The following GBF1 variants were observed in gnomAD, a reference collection of about 807,000 sequenced individuals.
GBF1 encodes the protein Golgi-specific brefeldin A-resistance guanine nucleotide exchange factor 1.
GBF1 carries 114 observed loss-of-function variants against 210.5 expected under a neutral mutation model. That is an observed-to-expected ratio of 0.54 (90% CI 0.47 to 0.63). GBF1 has a LOEUF of 0.63. Among genes scored for constraint, GBF1 ranks in the 30% least tolerant of loss-of-function variants. The pLI is 0.00. For synonymous variants in GBF1, 850 were observed against 889.2 expected (o/e 0.96, Z 0.78); for missense variants, 1,851 against 2,357.7 (o/e 0.79, Z 4.45).
intron 30 of GBF1, 150 bp downstream of exon 30, chr10:102,375,734 G>A: frequency 3.2e-6 from 2 of 617,674 alleles, no homozygotes; most frequent in Non-Finnish European, 5.8e-6. Context: ...GTGCCCGCTG[G>A]CTAGTACCCA....
At chr10:102,244,492 C>A (rs532167226), upstream of GBF1, among the ~76,000 whole-genome samples, 1 of 152,340 alleles carries the variant, frequency 6.6e-6, no homozygotes, top group East Asian at 1.9e-4. Flanking sequence ...TAACCTCTAT[C>A]ATCTCTTGCA....
At chr10:102,266,927 C>T (rs2073924661) in intron 3 of GBF1, among the ~76,000 whole-genome samples, 1 of 152,166 alleles carries the variant, frequency 6.6e-6, no homozygotes, top group South Asian at 2.1e-4. Flanking sequence ...AGGGTACTGT[C>T]TGTCTCAAGC....
chr10:102,373,239 A>C (rs993412062), intron 29 of GBF1, among the ~76,000 whole-genome samples: 1 of 152,242 alleles, frequency 6.6e-6, no homozygotes, highest in African/African-American at 2.4e-5. Flanking sequence ...TACAGATGGC[A>C]GATAGGCACA....
Position 102,376,597 on chromosome 10 carries a change from C to G in GBF1, c.4085C>G (p.Pro1362Arg). The stretch of plus-strand genomic sequence containing the variant: ...GACGTTGATAACTCCAAGCCAGGGC[C>G]CAGCCGCCCAGGCCCTTCACCCCTG... ...KDDVDNSKPG[P>R]SRPGPSPLIN... Residue 1362 changes from proline (P) to arginine (R), a missense_variant, in exon 32 of 40, where the codon CCC (proline) becomes CGC (arginine). Pro to Arg is a moderately radical substitution (Grantham distance 103, BLOSUM62 -2). Coordinates refer to ENST00000369983, the MANE Select transcript of GBF1 (RefSeq NM_001377137.1). The G allele has an allele frequency of 6.2e-7, 1 of 1,613,592 alleles. No homozygotes were observed. The highest frequency in any genetic ancestry group is 8.5e-7 in the Non-Finnish European group (1 of 1,179,536).
chr10:102,287,356 T>C (rs1336958219), intron 3 of GBF1, among the ~76,000 whole-genome samples: 4 of 135,522 alleles, frequency 3.0e-5, no homozygotes, highest in South Asian at 2.5e-4. Context: ...TTTTTTTTTT[T>C]TTTTTTTTTT....
chr10:102,237,156 T>C, the GBF1 span, among the ~76,000 whole-genome samples: 1 of 152,040 alleles, frequency 6.6e-6, no homozygotes, highest in Non-Finnish European at 1.5e-5. Context: ...CCCTATCTTG[T>C]AGGAGTCTGC....
intron 1 of GBF1, among the ~76,000 whole-genome samples, chr10:102,248,486 A>G (rs551936320): frequency 2.0e-5 from 3 of 152,284 alleles, no homozygotes; most frequent in East Asian, 1.9e-4. Context: ...TGGTTTGCCA[A>G]TCATATAAAC....
intron 1 of GBF1, among the ~76,000 whole-genome samples, chr10:102,250,608 T>G (rs1379286893): frequency 6.6e-6 from 1 of 151,400 alleles, no homozygotes; most frequent in Non-Finnish European, 1.5e-5. Flanking sequence ...TTTGGCCTCC[T>G]AAAGTGCTGG....
intron 3 of GBF1, among the ~76,000 whole-genome samples, chr10:102,291,656 G>A (rs556328593): frequency 2.6e-4 from 40 of 152,284 alleles, no homozygotes; most frequent in South Asian, 2.1e-4. Flanking sequence ...TGGGAGTGGA[G>A]ACTTGATATT....
At chr10:102,281,081 T>A (rs146264695) in intron 3 of GBF1, among the ~76,000 whole-genome samples, 2 of 152,290 alleles carry the variant, frequency 1.3e-5, no homozygotes, top group Non-Finnish European at 2.9e-5. Context: ...ATCAGATCTG[T>A]TTCAGCCAGT....
intron 3 of GBF1, among the ~76,000 whole-genome samples, chr10:102,321,109 T>G (rs747282294): frequency 2.0e-5 from 3 of 152,184 alleles, no homozygotes; most frequent in Admixed American, 6.5e-5. Context: ...ATTTAATTCT[T>G]AACCACTCTG....
chr10:102,377,062 G>C lies in GBF1; in HGVS notation c.4416G>C (p.Arg1472=), dbSNP rs1207674363. Residue 1472 remains arginine, a synonymous_variant, in exon 33 of 40, where the codon CGG becomes CGC. Transcript: ENST00000369983. The part of the protein sequence containing the change: ...RPRTSSQHAS[R]GGQSDDDEDE... ...GAACCTCCAGCCAACATGCCTCTCGGGGCGGGCAGAGTGATGATGATGAGG... is the reference window on the plus strand; with the variant it reads ...GAACCTCCAGCCAACATGCCTCTCGCGGCGGGCAGAGTGATGATGATGAGG... The C allele has an allele frequency of 6.2e-7, 1 of 1,614,054 alleles. No homozygotes were observed. Among genetic ancestry groups the C allele is most frequent in the Non-Finnish European group, 8.5e-7 (1 of 1,180,028 alleles).
In GBF1 at chr10:102,370,395, A is replaced by G; in HGVS notation, c.3423A>G (p.Ser1141=). The change falls in exon 28 of 40, where the codon TCA becomes TCG. Residue 1141 remains serine, a synonymous_variant. Transcript: ENST00000369983. ...CTGTTCCCCTTCAGGCTCTGGTCTC[A>G]GTGACACCAGATGAAGAGACATATG... ...SLQELMKALV[S]VTPDEETYDE... The G allele has an allele frequency of 6.2e-7, 1 of 1,610,414 alleles. No homozygotes were observed. Among genetic ancestry groups the G allele is most frequent in the Non-Finnish European group, 8.5e-7 (1 of 1,176,568 alleles).
At chr10:102,350,045 A>G (rs2058837367) in intron 4 of GBF1, among the ~76,000 whole-genome samples, 1 of 152,116 alleles carries the variant, frequency 6.6e-6, no homozygotes, top group South Asian at 2.1e-4. Context: ...TTAAATAAGA[A>G]TGAAACTAAA....
intron 1 of GBF1, among the ~76,000 whole-genome samples, chr10:102,258,569 C>T (rs538563678): frequency 1.3e-5 from 2 of 149,976 alleles, no homozygotes; most frequent in Admixed American, 6.6e-5. Context: ...GTCTGGAGCT[C>T]GAGACCAGCC....
chr10:102,280,266 A>G (rs2075368771), intron 3 of GBF1, among the ~76,000 whole-genome samples: 2 of 151,940 alleles, frequency 1.3e-5, no homozygotes, highest in Admixed American at 1.3e-4. Flanking sequence ...AGAATACAGA[A>G]CTCCTAAAAT....
At chr10:102,246,266 C>G (rs1165438417) in intron 1 of GBF1, among the ~76,000 whole-genome samples, 1 of 152,074 alleles carries the variant, frequency 6.6e-6, no homozygotes, top group Non-Finnish European at 1.5e-5. Context: ...ACTAGTGCAC[C>G]CTAGAATCAG....
rs1229402182 is a variant in GBF1, at chr10:102,260,046, A to G, written c.97-4A>G. The G allele has an allele frequency of 7.1e-6, 11 of 1,558,780 alleles. No individual in the cohort carries two copies. The highest frequency in any genetic ancestry group is 2.2e-5 in the East Asian group (1 of 44,510). ...TGACTTACTTTAATCTATGTGTTCT[A>G]CAGGATGAAGAACGGGATCCTCTGC... On this transcript the variant is annotated splice_region_variant and splice_polypyrimidine_tract_variant and intron_variant, in intron 2 of 39. Coordinates refer to ENST00000369983, the MANE Select transcript of GBF1 (RefSeq NM_001377137.1).
At chr10:102,276,292 C>T (rs1565046938) in intron 3 of GBF1, among the ~76,000 whole-genome samples, 1 of 150,944 alleles carries the variant, frequency 6.6e-6, no homozygotes, top group South Asian at 2.1e-4. Context: ...TTTGGGAGGC[C>T]GAGGCAGGCG....
Sources: gnomAD v4.1 joint callset for allele counts (sites outside exome capture counted in the v4.1 genomes callset) on GRCh38, gnomAD v4.1.1 for gene constraint, MANE v1.5 for transcripts, NCBI Gene and HGNC (gene_info 2026-07-23, HGNC 2026-07-21) for gene names.